The following TLCD3B variants were observed in gnomAD, a reference collection of about 807,000 sequenced individuals.
TLCD3B encodes ceramide synthase.
A neutral mutation model predicts 23.0 loss-of-function variants in TLCD3B; 9 were observed. That is an observed-to-expected ratio of 0.39 (90% CI 0.24 to 0.68). The LOEUF (loss-of-function observed/expected upper bound fraction) is 0.68, where lower values mean the gene tolerates loss of function less well. Ranked by LOEUF, TLCD3B falls within the 30% of genes least tolerant of loss-of-function variation. The probability of loss-of-function intolerance (pLI) is 0.44; values close to 1 mark genes in which losing one functional copy is unlikely to be tolerated. For synonymous variants in TLCD3B, 161 were observed against 161.0 expected (o/e 1.00, Z 0.00); for missense variants, 307 against 371.8 (o/e 0.83, Z 1.43).
intron 3 of TLCD3B, among the ~76,000 whole-genome samples, chr16:30,040,230 C>T (rs1193520778): frequency 6.6e-6 from 1 of 150,712 alleles, no homozygotes; most frequent in East Asian, 1.9e-4. Flanking sequence ...TTGCCCAGCT[C>T]CTGCATAGCT....
upstream of TLCD3B, among the ~76,000 whole-genome samples, chr16:30,034,915 C>CT (rs397855495): frequency 0.012 from 1,650 of 138,810 alleles, 15 homozygotes; most frequent in Middle Eastern, 0.032. Context: ...TTTTCTTTTT[C>CT]TTTTTTTTTT....
At chr16:30,047,102 A>G (rs749214085) in intron 1 of TLCD3B, among the ~76,000 whole-genome samples, 5 of 152,002 alleles carry the variant, frequency 3.3e-5, no homozygotes, top group Non-Finnish European at 7.4e-5. Flanking sequence ...CTAGAATTAC[A>G]GGCATGAGCC....
chr16:30,044,669 T>C (rs1267130264), intron 2 of TLCD3B, among the ~76,000 whole-genome samples: 3 of 152,160 alleles, frequency 2.0e-5, no homozygotes, highest in African/African-American at 7.2e-5. Context: ...GTACCACCTG[T>C]GATAAACAGA....
Position 30,030,530 on chromosome 16 carries a change from T to G in TLCD3B, c.-3A>C, listed in dbSNP as rs2071324956. The G allele has an allele frequency of 3.8e-6, 6 of 1,577,528 alleles. No homozygotes were observed. Among genetic ancestry groups the G allele is most frequent in the Non-Finnish European group, 5.1e-6 (6 of 1,165,746 alleles). On this transcript the variant is annotated 5_prime_UTR_variant, in exon 1 of 5. Coordinates refer to ENST00000380495, the MANE Select transcript of TLCD3B (RefSeq NM_031478.6). ...CCGGCCACCATCGGGGTCAGCATGG[T>G]GGCTCAGGACTTGGGCAGGGAGGCA...
upstream of TLCD3B, chr16:30,033,463 C>T (rs1211868121): frequency 6.6e-6 from 1 of 152,064 alleles, no homozygotes; most frequent in African/African-American, 2.4e-5. Context: ...CACGTAGACA[C>T]CCTAGTAAAA....
chr16:30,050,675 G>C (rs1338031980), intron 1 of TLCD3B, among the ~76,000 whole-genome samples: 2 of 152,226 alleles, frequency 1.3e-5, no homozygotes, highest in Non-Finnish European at 2.9e-5. Flanking sequence ...AGAGGGCCAG[G>C]GGTGGCCAAG....
chr16:30,026,426 C>G (rs2071139164), intron 3 of TLCD3B, among the ~76,000 whole-genome samples, 183 bp downstream of exon 3: 1 of 152,126 alleles, frequency 6.6e-6, no homozygotes, highest in South Asian at 2.1e-4. Context: ...AGGCTGCCCC[C>G]ACACCCTGGT....
rs200756677 is a variant in TLCD3B at position 30,038,751 on chromosome 16, C to G, written c.-67+2244G>C. Among the ~76,000 whole-genome samples, 5 of 134,282 alleles carry G rather than the reference C, an allele frequency of 3.7e-5. No individual in the cohort carries two copies. The East Asian group carries it at 1.1e-3, about 28-fold the overall frequency. The allele number at this position is 134,282 out of a possible 152,430, so 88.1% of individuals were successfully genotyped here. A position where few individuals can be genotyped will look rare whatever the true frequency, so the allele number is the denominator to read the frequency against. ...TCAGCCTGGGCGACAGAGCGAGACTCTGTCTCAAAAAAAAAAAAATTTAAT... is the reference window on the plus strand; with the variant it reads ...TCAGCCTGGGCGACAGAGCGAGACTGTGTCTCAAAAAAAAAAAAATTTAAT... On this transcript the variant is annotated intron_variant, in intron 3 of 6. Transcript: ENST00000561666.
At chr16:30,046,935 G>A (rs901621493) in intron 1 of TLCD3B, among the ~76,000 whole-genome samples, 2 of 152,168 alleles carry the variant, frequency 1.3e-5, no homozygotes, top group Non-Finnish European at 2.9e-5. Context: ...ATACACATAC[G>A]CATTGTGATA....
At chr16:30,040,731 C>CT (rs1437280384) in intron 3 of TLCD3B, among the ~76,000 whole-genome samples, 25 of 152,066 alleles carry the variant, frequency 1.6e-4, no homozygotes, top group Admixed American at 1.6e-3. Flanking sequence ...TCACAGCTCA[C>CT]TGCAGCCTCC....
chr16:30,046,064 C>T (rs1341749011), intron 2 of TLCD3B, among the ~76,000 whole-genome samples: 3 of 152,012 alleles, frequency 2.0e-5, no homozygotes, highest in Non-Finnish European at 4.4e-5. Context: ...GAGCCATGAT[C>T]GCGCCACTGC....
Position 30,025,261 on chromosome 16 carries a change from G to C in TLCD3B, c.747C>G (p.Phe249Leu), listed in dbSNP as rs759877614. ...GGCAGGCCCCACGGCAGATGAGGAA[G>C]AACCAGTAGAGCTGAGGGGCCAGGA... is the stretch of plus-strand genomic sequence containing the variant. ...ALLLAPQLYW[F>L]FLICRGACRL... Residue 249 changes from phenylalanine (F) to leucine (L), a missense_variant, in exon 5 of 5, where the codon TTC becomes TTG. Physicochemically the swap from Phe to Leu is conservative, Grantham distance 22 (BLOSUM62 0). Transcript: ENST00000380495. The surrounding 1 kb of genome is among the most constrained non-coding windows in gnomAD (Gnocchi z 4.1). 4 of 1,538,286 alleles carry C rather than the reference G, an allele frequency of 2.6e-6. 1 individual carries two copies. The African/African-American group carries it at 5.5e-5, about 21-fold the overall frequency.
At position 30,025,930 on chromosome 16, in the gene TLCD3B, A is replaced by C. The variant is rs1408617405; in HGVS notation, c.445-109T>G. On this transcript the variant is annotated intron_variant, in intron 3 of 4. Transcript: ENST00000380495. The surrounding 1 kb of genome is among the most constrained non-coding windows in gnomAD (Gnocchi z 4.1). ...CACTTTGGGAGATGCTTGACTCTGA[A>C]CATCAGAACACCTGGGTGCAGGGCT... The C allele has an allele frequency of 1.6e-5, 13 of 811,808 alleles. No individual in the cohort carries two copies. The highest frequency in any genetic ancestry group is 2.4e-5 in the Non-Finnish European group (12 of 493,550). 50.3% of individuals were successfully genotyped at this position (811,808 alleles called of 1,614,324 possible).
In TLCD3B at chr16:30,045,673, TTGA is replaced by T. The variant is rs1234265359; in HGVS notation, c.-229+647_-229+649del. On this transcript the variant is annotated intron_variant, in intron 2 of 6. Transcript: ENST00000561666. ...ATGTGGTGTGTGTATGGTGTGTGTGTTGATGTGTTTGGTGTGTGTTTGTGTGTG... is the reference window on the plus strand; with the variant it reads ...ATGTGGTGTGTGTATGGTGTGTGTGTTGTGTTTGGTGTGTGTTTGTGTGTG... 1.0e-4 allele frequency among the ~76,000 whole-genome samples: 14 copies of T among 137,418 alleles called. No individual in the cohort carries two copies. The South Asian group carries it at 2.7e-3, about 27-fold the overall frequency. 90.2% of individuals were successfully genotyped at this position (137,418 alleles called of 152,430 possible).
rs1034063838 is a variant in TLCD3B at position 30,025,017 on chromosome 16, C to T, written c.*166G>A. 7.2e-6 allele frequency: 4 copies of T among 551,822 alleles called. No homozygotes were observed. Among genetic ancestry groups the T allele is most frequent in the Non-Finnish European group, 1.2e-5 (4 of 320,760 alleles). The allele number at this position is 551,822 out of a possible 1,614,324, so 34.2% of individuals were successfully genotyped here. A position where few individuals can be genotyped will look rare whatever the true frequency, so the allele number is the denominator to read the frequency against. On this transcript the variant is annotated 3_prime_UTR_variant, in exon 5 of 5. Transcript: ENST00000380495. The surrounding 1 kb of genome is among the most constrained non-coding windows in gnomAD (Gnocchi z 4.1). ...GTAGGGGGAAGAGGTCCCCTCTCTC[C>T]ACCCCCTCAGTCCCCGAGAGATGGG...
In TLCD3B at chr16:30,030,924, C is replaced by T. The variant is rs1893158952; in HGVS notation, c.-397G>A. 9.5e-6 allele frequency: 1 copy of T among 105,816 alleles called. No homozygotes were observed. Among genetic ancestry groups the T allele is most frequent in the African/African-American group, 3.9e-5 (1 of 25,484 alleles). 6.6% of individuals were successfully genotyped at this position (105,816 alleles called of 1,614,324 possible). A position where few individuals can be genotyped will look rare whatever the true frequency, so the allele number is the denominator to read the frequency against. On this transcript the variant is annotated 5_prime_UTR_variant, in exon 1 of 5. Coordinates refer to ENST00000380495, the MANE Select transcript of TLCD3B (RefSeq NM_031478.6). ...AGGCTTACGTGAGAGGCTGGGAGGG[C>T]CCGAGGAGGCGGGGAGGGGGTGGGG... is the stretch of plus-strand genomic sequence containing the variant.
At chr16:30,031,823 G>A (rs775200821), upstream of TLCD3B, among the ~76,000 whole-genome samples, 3 of 152,170 alleles carry the variant, frequency 2.0e-5, no homozygotes, top group African/African-American at 2.4e-5. Context: ...GGCCATCAAC[G>A]ATCCTGAGGC....
intron 3 of TLCD3B, among the ~76,000 whole-genome samples, chr16:30,039,058 C>T (rs2071528593): frequency 6.8e-6 from 1 of 146,210 alleles, no homozygotes; most frequent in African/African-American, 2.6e-5. Flanking sequence ...TTTAGACATC[C>T]TCATTCATAT....
At chr16:30,050,069 C>A (rs1256375761) in intron 1 of TLCD3B, among the ~76,000 whole-genome samples, 1 of 152,188 alleles carries the variant, frequency 6.6e-6, no homozygotes, top group Non-Finnish European at 1.5e-5. Context: ...ATGGTAGGAA[C>A]AAAACACCAG....
Sources: allele counts gnomAD v4.1 joint callset (sites outside exome capture counted in the v4.1 genomes callset), GRCh38; gene constraint gnomAD v4.1.1; non-coding constraint Gnocchi (gnomAD v3.1); transcripts MANE v1.5; gene names NCBI Gene and HGNC (gene_info 2026-07-23, HGNC 2026-07-21).